Variants in DLGAP2 observed in about 807,000 individuals in gnomAD.
DLGAP2 encodes the protein disks large-associated protein 2.
A neutral mutation model predicts 100.3 loss-of-function variants in DLGAP2; 26 were observed. That is an observed-to-expected ratio of 0.26 (90% CI 0.19 to 0.36). The LOEUF (loss-of-function observed/expected upper bound fraction) is 0.36, where lower values mean the gene tolerates loss of function less well. DLGAP2 is among the 10% of genes least tolerant of loss of function. The pLI is 1.00. For synonymous variants in DLGAP2, 886 were observed against 630.1 expected (o/e 1.41, Z -6.08); for missense variants, 1,858 against 1,453.2 (o/e 1.28, Z -4.53).
chr8:1,682,954 A>G (rs1453109288), intron 12 of DLGAP2, among the ~76,000 whole-genome samples: 1 of 151,016 alleles, frequency 6.6e-6, no homozygotes, highest in Non-Finnish European at 1.5e-5. Context: ...ACCTTTTTTG[A>G]GCCATCAGGA....
chr8:1,537,722 A>AAAGGAAGG (rs1304358970), intron 4 of DLGAP2, among the ~76,000 whole-genome samples: 12 of 121,338 alleles, frequency 9.9e-5, no homozygotes, highest in African/African-American at 3.8e-4. Context: ...TGGATGGATG[A>AAAGGAAGG]AAGGATGGAA....
At chr8:1,010,164 T>G (rs1270853846) in intron 2 of DLGAP2, among the ~76,000 whole-genome samples, 1 of 152,200 alleles carries the variant, frequency 6.6e-6, no homozygotes, top group Non-Finnish European at 1.5e-5. Context: ...CACACACCTA[T>G]GCACACACAG....
intron 3 of DLGAP2, among the ~76,000 whole-genome samples, chr8:1,459,272 A>G (rs971029811): frequency 1.3e-4 from 17 of 134,430 alleles, no homozygotes; most frequent in African/African-American, 4.6e-4. Flanking sequence ...TTACATGCAT[A>G]TACCTGAGGT....
intron 5 of DLGAP2, 27 bp from the exon 6 acceptor site, chr8:1,565,656 G>T: frequency 6.3e-7 from 1 of 1,584,166 alleles, no homozygotes; most frequent in Non-Finnish European, 8.6e-7. Flanking sequence ...CAAAGTTGAT[G>T]CGTGTTTCAT....
At chr8:745,151 T>G (rs895455407) in intron 1 of DLGAP2, among the ~76,000 whole-genome samples, 1 of 152,262 alleles carries the variant, frequency 6.6e-6, no homozygotes, top group African/African-American at 2.4e-5. Context: ...TTCTTTACCT[T>G]TTTTCTTGGT....
chr8:823,861 G>A (rs1360494737), intron 1 of DLGAP2, among the ~76,000 whole-genome samples: 1 of 152,144 alleles, frequency 6.6e-6, no homozygotes, highest in Admixed American at 6.5e-5. Flanking sequence ...CATCCACCCG[G>A]GCTGTCCTCT....
At chr8:1,336,129 C>T (rs192935397) in intron 3 of DLGAP2, among the ~76,000 whole-genome samples, 1 of 152,374 alleles carries the variant, frequency 6.6e-6, no homozygotes, top group Admixed American at 6.5e-5. Flanking sequence ...TTCCTCCCCA[C>T]ATTGGTGACC....
At chr8:1,486,337 G>T (rs1170129096) in intron 3 of DLGAP2, among the ~76,000 whole-genome samples, 4 of 152,218 alleles carry the variant, frequency 2.6e-5, no homozygotes, top group African/African-American at 9.6e-5. Context: ...GACAGGTGGG[G>T]CCGGAAGTCT....
At chr8:1,550,906 G>A (rs1019384270) in intron 5 of DLGAP2, among the ~76,000 whole-genome samples, 16 of 152,314 alleles carry the variant, frequency 1.1e-4, no homozygotes, top group African/African-American at 2.6e-4. Context: ...CTAGAGCAGC[G>A]GCTGTGGGCC....
chr8:1,068,817 G>C (rs1198154200), intron 2 of DLGAP2, among the ~76,000 whole-genome samples: 1 of 152,140 alleles, frequency 6.6e-6, no homozygotes, highest in African/African-American at 2.4e-5. Context: ...CCTCGTGGGG[G>C]CTTTTTCTCC....
At position 1,187,209 on chromosome 8, in the gene DLGAP2, G is replaced by A. The variant is rs879366928; in HGVS notation, c.74-71642G>A. 4.6e-5 allele frequency among the ~76,000 whole-genome samples: 7 copies of A among 152,044 alleles called. No individual in the cohort carries two copies. The South Asian group carries it at 8.3e-4, about 18-fold the overall frequency. ...GGGACCTCTGTGACATTTCCCTCAC[G>A]GAATTTCACACGGGACCTCCGTGAC... On this transcript the variant is annotated intron_variant, in intron 2 of 14. Transcript: ENST00000637795.
intron 2 of DLGAP2, among the ~76,000 whole-genome samples, chr8:1,231,380 C>A (rs545405790): frequency 2.6e-5 from 4 of 152,144 alleles, no homozygotes; most frequent in Admixed American, 2.0e-4. Context: ...TGCTTATATC[C>A]TGTTTGTGGG....
intron 2 of DLGAP2, among the ~76,000 whole-genome samples, chr8:1,205,802 A>G (rs556273031): frequency 7.8e-4 from 119 of 152,164 alleles, no homozygotes; most frequent in Non-Finnish European, 1.4e-3. Context: ...TCCTAGGAGG[A>G]CTTCAGTCCG....
At chr8:935,087 C>G (rs755177273) in intron 2 of DLGAP2, among the ~76,000 whole-genome samples, 3 of 152,192 alleles carry the variant, frequency 2.0e-5, no homozygotes, top group Non-Finnish European at 4.4e-5. Context: ...TGTAAGTGGC[C>G]ATTAAACCCC....
chr8:1,108,557 T>A (rs539708044), intron 2 of DLGAP2, among the ~76,000 whole-genome samples: 327 of 147,744 alleles, frequency 2.2e-3, no homozygotes, highest in African/African-American at 7.9e-3. Flanking sequence ...GCCTATGAAG[T>A]GTGCTGGGTC....
intron 2 of DLGAP2, among the ~76,000 whole-genome samples, chr8:922,981 C>A (rs1041917400): frequency 6.6e-6 from 1 of 152,088 alleles, no homozygotes; most frequent in Non-Finnish European, 1.5e-5. Context: ...AAGCCCTGGG[C>A]TCTGATGGAT....
chr8:995,831 G>C lies in DLGAP2; in HGVS notation c.73+87865G>C, dbSNP rs567554693. On this transcript the variant is annotated intron_variant, in intron 2 of 14. Coordinates refer to ENST00000637795, the MANE Select transcript of DLGAP2 (RefSeq NM_001346810.2). ...TGGGGTGCTAACAGCATAGAGACTT[G>C]GGGAAGTGAGACGTGTCTCTCCATG... Among the ~76,000 whole-genome samples, 1,140 of 152,330 alleles carry C rather than the reference G, an allele frequency of 7.5e-3. 8 individuals carry two copies. Among genetic ancestry groups the C allele is most frequent in the Non-Finnish European group, 0.012 (807 of 68,028 alleles).
At chr8:1,180,144 T>G (rs971143259) in intron 2 of DLGAP2, among the ~76,000 whole-genome samples, 1 of 152,242 alleles carries the variant, frequency 6.6e-6, no homozygotes, top group Non-Finnish European at 1.5e-5. Context: ...GTGAACTTCC[T>G]CCTTTTCCAA....
chr8:849,908 A>G (rs959349844), intron 1 of DLGAP2, among the ~76,000 whole-genome samples: 4 of 152,106 alleles, frequency 2.6e-5, no homozygotes, highest in African/African-American at 9.7e-5. Flanking sequence ...TACTAAAAAT[A>G]CAAACATTAG....
Sources: allele counts gnomAD v4.1 joint callset (sites outside exome capture counted in the v4.1 genomes callset), GRCh38; gene constraint gnomAD v4.1.1; transcripts MANE v1.5; gene names NCBI Gene and HGNC (gene_info 2026-07-23, HGNC 2026-07-21).